CELF4: variants seen among roughly 807,000 people sequenced by gnomAD.
CELF4 encodes CUG-BP- and ETR-3-like factor 4.
In CELF4, 18 loss-of-function variants were observed where a neutral mutation model predicts 59.9. That is an observed-to-expected ratio of 0.30 (90% CI 0.21 to 0.45). The LOEUF (loss-of-function observed/expected upper bound fraction) is 0.45. Ranked by LOEUF, CELF4 falls within the 20% of genes least tolerant of loss-of-function variation. CELF4 has a pLI of 1.00. For synonymous variants in CELF4, 261 were observed against 267.1 expected (o/e 0.98, Z 0.22); for missense variants, 456 against 689.0 (o/e 0.66, Z 3.79).
intron 10 of CELF4, among the ~76,000 whole-genome samples, chr18:37,260,190 T>C (rs1051238601): frequency 6.6e-6 from 1 of 152,210 alleles, no homozygotes; most frequent in African/African-American, 2.4e-5. Context: ...CCTGTCTCCA[T>C]AGAGTGAATT....
chr18:37,542,914 C>T (rs1192161862), intron 1 of CELF4, among the ~76,000 whole-genome samples: 2 of 152,118 alleles, frequency 1.3e-5, no homozygotes, highest in African/African-American at 4.8e-5. Context: ...AGTCTCTGGG[C>T]TCTAGATCCA....
intron 2 of CELF4, among the ~76,000 whole-genome samples, chr18:37,348,209 C>A (rs909124657): frequency 6.7e-6 from 1 of 148,298 alleles, no homozygotes; most frequent in African/African-American, 2.5e-5. Context: ...CTATTTGACC[C>A]CTCTTAGCCA....
At chr18:37,480,431 G>A (rs1301516486) in intron 2 of CELF4, among the ~76,000 whole-genome samples, 1 of 152,188 alleles carries the variant, frequency 6.6e-6, no homozygotes, top group Non-Finnish European at 1.5e-5. Context: ...CTCCATACAT[G>A]CTAACTACAT....
At chr18:37,297,270 T>A (rs2095708292) in intron 3 of CELF4, among the ~76,000 whole-genome samples, 1 of 152,218 alleles carries the variant, frequency 6.6e-6, no homozygotes, top group Non-Finnish European at 1.5e-5. Context: ...ACCTGCCATC[T>A]GCCAAGGGGC....
At chr18:37,326,049 C>A (rs779933356) in intron 2 of CELF4, among the ~76,000 whole-genome samples, 2 of 152,216 alleles carry the variant, frequency 1.3e-5, no homozygotes, top group Non-Finnish European at 2.9e-5. Flanking sequence ...CCTTGGCCAG[C>A]CTCACTCAGC....
chr18:37,546,067 C>A (rs1304876804), intron 1 of CELF4, among the ~76,000 whole-genome samples: 1 of 152,194 alleles, frequency 6.6e-6, no homozygotes, highest in African/African-American at 2.4e-5. Flanking sequence ...AAAAAGACAC[C>A]CACGCTCACA....
chr18:37,314,794 C>T (rs369726553), intron 3 of CELF4, among the ~76,000 whole-genome samples: 1 of 152,150 alleles, frequency 6.6e-6, no homozygotes, highest in Admixed American at 6.5e-5. Flanking sequence ...GCCTACCTTG[C>T]TTCTCCTGGG....
At chr18:37,279,621 C>T (rs1474045255) in intron 3 of CELF4, among the ~76,000 whole-genome samples, 2 of 152,174 alleles carry the variant, frequency 1.3e-5, no homozygotes, top group East Asian at 1.9e-4. Context: ...ACAAGAGAGA[C>T]GAAGCTGCTC....
rs546066221 is a variant in CELF4, at chr18:37,352,420, A to T, written c.370-30539T>A. ...CACTTTGGGAGGGTGAGGCGGGAGG[A>T]TCACTTGAGCCCGGGAATTCAAGAC... On this transcript the variant is annotated intron_variant, in intron 2 of 12. Coordinates refer to ENST00000420428, the MANE Select transcript of CELF4 (RefSeq NM_020180.4). 9.9e-5 allele frequency among the ~76,000 whole-genome samples: 15 copies of T among 152,024 alleles called. No homozygotes were observed. The South Asian group carries it at 1.9e-3, about 19-fold the overall frequency.
chr18:37,413,837 G>A (rs2099497949), intron 2 of CELF4, among the ~76,000 whole-genome samples: 1 of 152,180 alleles, frequency 6.6e-6, no homozygotes, highest in Non-Finnish European at 1.5e-5. Context: ...CAATATGGTG[G>A]TCTGGAGACC....
At chr18:37,485,835 G>A (rs2099880170) in intron 1 of CELF4, 1 of 358,530 alleles carries the variant, frequency 2.8e-6, no homozygotes, top group Non-Finnish European at 5.0e-6. Context: ...CCTCCGCGGA[G>A]TCTCCCCACC....
chr18:37,557,686 G>T (rs1436197881), intron 1 of CELF4, among the ~76,000 whole-genome samples: 2 of 152,198 alleles, frequency 1.3e-5, no homozygotes, highest in Non-Finnish European at 2.9e-5. Flanking sequence ...GGAAGTCTCT[G>T]TCAATTAAGC....
chr18:37,464,723 TGGA>T (rs2099803246), intron 2 of CELF4, among the ~76,000 whole-genome samples: 1 of 151,614 alleles, frequency 6.6e-6, no homozygotes, highest in Non-Finnish European at 1.5e-5. Context: ...AGATGGGGAG[TGGA>T]GAAGCCCAAA....
chr18:37,337,267 C>G (rs376553019), intron 2 of CELF4, among the ~76,000 whole-genome samples: 1 of 152,094 alleles, frequency 6.6e-6, no homozygotes, highest in Non-Finnish European at 1.5e-5. Flanking sequence ...GGGAGACTGG[C>G]GAGACCCACT....
At chr18:37,354,279 C>G (rs2098523323) in intron 2 of CELF4, among the ~76,000 whole-genome samples, 1 of 152,138 alleles carries the variant, frequency 6.6e-6, no homozygotes, top group Non-Finnish European at 1.5e-5. Flanking sequence ...GAGTGACCTT[C>G]CAGGGCCATG....
chr18:37,513,180 C>A (rs1387266248), intron 1 of CELF4, among the ~76,000 whole-genome samples: 7 of 152,224 alleles, frequency 4.6e-5, no homozygotes, highest in African/African-American at 1.7e-4. Flanking sequence ...GGAACAACAG[C>A]CCTTTGTTCC....
At chr18:37,552,985 C>T (rs2099983717) in intron 1 of CELF4, among the ~76,000 whole-genome samples, 2 of 152,232 alleles carry the variant, frequency 1.3e-5, no homozygotes, top group African/African-American at 4.8e-5. Flanking sequence ...AGACATCACC[C>T]TTTAACTTGC....
At chr18:37,326,902 C>G (rs1009617939) in intron 2 of CELF4, among the ~76,000 whole-genome samples, 2 of 152,216 alleles carry the variant, frequency 1.3e-5, no homozygotes, top group African/African-American at 4.8e-5. Flanking sequence ...TTAATTTCTT[C>G]ATCATCATAA....
At chr18:37,255,596 C>T (rs973974189) in intron 11 of CELF4, among the ~76,000 whole-genome samples, 3 of 151,636 alleles carry the variant, frequency 2.0e-5, no homozygotes, top group African/African-American at 7.3e-5. Flanking sequence ...TCCCCACCTC[C>T]GCTGACCTGT....
Sources: gnomAD v4.1 joint callset for allele counts (sites outside exome capture counted in the v4.1 genomes callset) on GRCh38, gnomAD v4.1.1 for gene constraint, MANE v1.5 for transcripts, NCBI Gene and HGNC (gene_info 2026-07-23, HGNC 2026-07-21) for gene names.